The following NSD3 variants were observed in gnomAD, a reference collection of about 807,000 sequenced individuals.
NSD3 encodes the protein histone-lysine N-methyltransferase NSD3.
Under a neutral mutation model 160.8 loss-of-function variants are expected in NSD3, and 24 were observed. That is an observed-to-expected ratio of 0.15 (90% confidence interval 0.11 to 0.21). The LOEUF (loss-of-function observed/expected upper bound fraction) is 0.21. Among genes scored for constraint, NSD3 ranks in the 10% least tolerant of loss-of-function variants. The probability of loss-of-function intolerance (pLI) is 1.00; values close to 1 mark genes in which losing one functional copy is unlikely to be tolerated. For synonymous variants in NSD3, 520 were observed against 600.0 expected (o/e 0.87, Z 1.95); for missense variants, 1,157 against 1,735.9 (o/e 0.67, Z 5.93).
intron 1 of NSD3, among the ~76,000 whole-genome samples, chr8:38,359,752 A>G (rs142184000): frequency 4.9e-4 from 74 of 152,296 alleles, no homozygotes; most frequent in African/African-American, 1.7e-3. Flanking sequence ...TGTTTTGTCA[A>G]GGAAATAAAA....
chr8:38,304,082 T>C (rs1226859787), intron 14 of NSD3, among the ~76,000 whole-genome samples: 1 of 152,220 alleles, frequency 6.6e-6, no homozygotes, highest in African/African-American at 2.4e-5. Flanking sequence ...CACCACCACA[T>C]ATGCTGCCTT....
At chr8:38,331,636 T>A in intron 4 of NSD3, 51 bp from the exon 5 acceptor site, 1 of 1,584,796 alleles carries the variant, frequency 6.3e-7, no homozygotes, top group Non-Finnish European at 8.6e-7. Flanking sequence ...CATTCACATC[T>A]ACTTTGCCAA....
chr8:38,380,668 T>G (rs1188036748), intron 1 of NSD3: 2 of 152,278 alleles, frequency 1.3e-5, no homozygotes, highest in African/African-American at 4.8e-5. Context: ...AAAAAGGTAG[T>G]GATGGAAAAC....
At chr8:38,276,094 CG>C (rs1371759029) in intron 23 of NSD3, among the ~76,000 whole-genome samples, 1 of 152,062 alleles carries the variant, frequency 6.6e-6, no homozygotes, top group East Asian at 1.9e-4. Context: ...TACCCACCTA[CG>C]GGAACAGTAT....
intron 7 of NSD3, among the ~76,000 whole-genome samples, chr8:38,325,450 A>C (rs535419721): frequency 9.2e-5 from 14 of 152,278 alleles, no homozygotes; most frequent in Admixed American, 2.0e-4. Context: ...TTAATACTTA[A>C]CTCTTTTCTT....
rs2131024864 is a variant in NSD3, at chr8:38,319,157, A to C, written c.1810-217T>G. The C allele has an allele frequency of 2.0e-6, 1 of 510,854 alleles. No homozygotes were observed. The allele number at this position is 510,854 out of a possible 1,614,324, so 31.6% of individuals were successfully genotyped here. A position where few individuals can be genotyped will look rare whatever the true frequency, so the allele number is the denominator to read the frequency against. On this transcript the variant is annotated intron_variant, in intron 8 of 23. Transcript: ENST00000317025. The surrounding 1 kb of genome is among the most constrained non-coding windows in gnomAD (Gnocchi z 4.1). ...TGCTGAATATCAAGTGACAACACAC[A>C]GCCACATGCTCTCTAGCAAAGACTT...
At chr8:38,293,226 T>G (rs530962030) in intron 16 of NSD3, among the ~76,000 whole-genome samples, 26 of 151,850 alleles carry the variant, frequency 1.7e-4, no homozygotes, top group Non-Finnish European at 3.4e-4. Flanking sequence ...GTTCTAAAAT[T>G]TAAATGGGTA....
chr8:38,373,287 A>G (rs1811303970), intron 1 of NSD3, among the ~76,000 whole-genome samples: 1 of 151,702 alleles, frequency 6.6e-6, no homozygotes. Context: ...CAGTGGCGCA[A>G]TCTTGGCTCT....
Position 38,275,560 on chromosome 8 carries a change from G to A in NSD3, c.*81C>T. The A allele has an allele frequency of 7.4e-7, 1 of 1,343,384 alleles. No homozygotes were observed. Among genetic ancestry groups the A allele is most frequent in the Non-Finnish European group, 1.0e-6 (1 of 983,026 alleles). The allele number at this position is 1,343,384 out of a possible 1,614,324, so 83.2% of individuals were successfully genotyped here. On this transcript the variant is annotated 3_prime_UTR_variant, in exon 24 of 24. Transcript: ENST00000317025. Reference sequence around the variant, plus strand: ...GCAGTTCCGATGGCAAAGGCTGTATGCACTGTAGCAGTCTCTTCTTTTTAA... The same window carrying A: ...GCAGTTCCGATGGCAAAGGCTGTATACACTGTAGCAGTCTCTTCTTTTTAA...
Position 38,290,603 on chromosome 8 carries a change from TCC to T in NSD3, c.2988_2989del (p.Asp997LeufsTer10), listed in dbSNP as rs1454989045. ...AGAACCAAAGAAGAATACAGGGAAG[TCC>T]CCCAAGTCATGTTTAAGGCCCTGGA... On this transcript the variant is annotated frameshift_variant, in exon 17 of 24. Transcript: ENST00000317025. LOFTEE classifies it high-confidence loss of function. The T allele has an allele frequency of 6.2e-7, 1 of 1,613,808 alleles. No homozygotes were observed. The highest frequency in any genetic ancestry group is 1.3e-5 in the African/African-American group (1 of 74,864).
At chr8:38,349,759 A>G (rs1810635853) in intron 1 of NSD3, among the ~76,000 whole-genome samples, 1 of 150,278 alleles carries the variant, frequency 6.7e-6, no homozygotes, top group Non-Finnish European at 1.5e-5. Context: ...ATATGCATAC[A>G]TGTGCCATGT....
At chr8:38,376,095 TA>T (rs1811381581) in intron 1 of NSD3, among the ~76,000 whole-genome samples, 1 of 152,152 alleles carries the variant, frequency 6.6e-6, no homozygotes, top group Non-Finnish European at 1.5e-5. Flanking sequence ...CCAATGTCTC[TA>T]TTTTTTTTCC....
Position 38,317,749 on chromosome 8 carries a change from C to A in NSD3, c.1855+1146G>T, listed in dbSNP as rs1809703869. 2 of 1,392,990 alleles carry A rather than the reference C, an allele frequency of 1.4e-6. No individual in the cohort carries two copies. Among genetic ancestry groups the A allele is most frequent in the Non-Finnish European group, 1.9e-6 (2 of 1,075,266 alleles). 86.3% of individuals were successfully genotyped at this position (1,392,990 alleles called of 1,614,324 possible). On this transcript the variant is annotated intron_variant, in intron 9 of 23. Transcript: ENST00000317025. The surrounding 1 kb of genome is among the most constrained non-coding windows in gnomAD (Gnocchi z 5.3). ...GACCCATGATTTAAGCTGTACCCAT[C>A]CAGCTCAAACCGAAAAAAAAAAATC... is the stretch of plus-strand genomic sequence containing the variant.
intron 2 of NSD3, among the ~76,000 whole-genome samples, chr8:38,342,085 T>C (rs969394542): frequency 6.6e-6 from 1 of 152,204 alleles, no homozygotes; most frequent in Non-Finnish European, 1.5e-5. Context: ...TTTCAAAGAA[T>C]TAAAGTTTTT....
intron 1 of NSD3, 29 bp from the exon 2 acceptor site, chr8:38,348,244 G>GTGT (rs1464312264): frequency 1.3e-6 from 2 of 1,481,916 alleles, no homozygotes; most frequent in Non-Finnish European, 1.8e-6. Context: ...GGATTAGAAG[G>GTGT]TGTTACTATT....
chr8:38,286,307 A>G (rs1808854758), intron 19 of NSD3, among the ~76,000 whole-genome samples: 1 of 150,666 alleles, frequency 6.6e-6, no homozygotes, highest in African/African-American at 2.4e-5. Context: ...ACAAACAAAC[A>G]CACACACACA....
Position 38,290,626 on chromosome 8 carries a change from C to T in NSD3, c.2967G>A (p.Gln989=). The T allele has an allele frequency of 6.2e-7, 1 of 1,613,952 alleles. No individual in the cohort carries two copies. The highest frequency in any genetic ancestry group is 1.1e-5 in the South Asian group (1 of 91,066). ...AGTCCCCCAAGTCATGTTTAAGGCC[C>T]TGGATGTTCAGTGGCACAGACCTGG... The part of the protein sequence containing the change: ...CNPRSVPLNI[Q]GLKHDLGDFP... The change falls in exon 17 of 24, where the codon CAG becomes CAA. Residue 989 remains glutamine (Q), a synonymous_variant. Transcript: ENST00000317025.
At chr8:38,347,153 T>C (rs1241516321) in intron 2 of NSD3, among the ~76,000 whole-genome samples, 1 of 152,202 alleles carries the variant, frequency 6.6e-6, no homozygotes, top group East Asian at 1.9e-4. Context: ...TCTAAAATAA[T>C]GAAAACCCAA....
chr8:38,336,935 A>G (rs989801728), intron 4 of NSD3, among the ~76,000 whole-genome samples: 3 of 152,160 alleles, frequency 2.0e-5, no homozygotes, highest in Admixed American at 2.0e-4. Flanking sequence ...TGAGTTCGAG[A>G]GTTCAAGACC....
Sources: gnomAD v4.1 joint callset for allele counts (sites outside exome capture counted in the v4.1 genomes callset) on GRCh38, gnomAD v4.1.1 for gene constraint, Gnocchi (gnomAD v3.1) non-coding constraint, MANE v1.5 for transcripts, NCBI Gene and HGNC (gene_info 2026-07-23, HGNC 2026-07-21) for gene names.